Variants in AGPAT5 observed in about 807,000 individuals in gnomAD.
AGPAT5 encodes 1-acylglycerol-3-phosphate O-acyltransferase 5.
A neutral mutation model predicts 45.6 loss-of-function variants in AGPAT5; 46 were observed. The ratio of observed to expected loss-of-function variants is 1.01; its 90% confidence interval spans 0.80 to 1.29. The LOEUF is 1.29. Among genes scored for constraint, AGPAT5 ranks in the 50% most tolerant of loss-of-function variants. The pLI is 0.00. For missense variants in AGPAT5, 673 were observed against 450.7 expected, an observed-to-expected ratio of 1.49 and a Z score of -4.47; for synonymous variants, 272 against 167.0, an observed-to-expected ratio of 1.63 and a Z score of -4.85.
At chr8:6,746,535 G>C (rs1034085364) in intron 5 of AGPAT5, among the ~76,000 whole-genome samples, 3 of 152,216 alleles carry the variant, frequency 2.0e-5, no homozygotes, top group African/African-American at 7.2e-5. Flanking sequence ...AAAGAAGGAA[G>C]TGTTAACTAG....
At chr8:6,733,236 G>C (rs1011986363) in intron 4 of AGPAT5, among the ~76,000 whole-genome samples, 1 of 152,160 alleles carries the variant, frequency 6.6e-6, no homozygotes, top group African/African-American at 2.4e-5. Flanking sequence ...CATGATCACC[G>C]GGGCGACTTG....
intron 7 of AGPAT5, 33 bp from the exon 8 acceptor site, chr8:6,757,130 C>T: frequency 6.4e-7 from 1 of 1,559,148 alleles, no homozygotes; most frequent in Non-Finnish European, 8.8e-7. Flanking sequence ...ACTGAAGTGA[C>T]TAAAATCTAA....
At chr8:6,731,971 A>C (rs1233691663) in intron 3 of AGPAT5, among the ~76,000 whole-genome samples, 1 of 152,196 alleles carries the variant, frequency 6.6e-6, no homozygotes, top group African/African-American at 2.4e-5. Context: ...TGGATGACTA[A>C]TCCTTCTACA....
intron 6 of AGPAT5, among the ~76,000 whole-genome samples, chr8:6,754,475 T>C (rs1024736053): frequency 1.3e-5 from 2 of 152,168 alleles, no homozygotes; most frequent in African/African-American, 4.8e-5. Context: ...TGTGTAGCAG[T>C]CAGTGACGAG....
chr8:6,727,027 G>T (rs931015954), intron 2 of AGPAT5, among the ~76,000 whole-genome samples: 4 of 152,134 alleles, frequency 2.6e-5, no homozygotes, highest in Admixed American at 6.5e-5. Flanking sequence ...CATAGACGTG[G>T]TTCATTGTCT....
chr8:6,739,015 C>A (rs1448803782), intron 4 of AGPAT5, among the ~76,000 whole-genome samples: 3 of 151,854 alleles, frequency 2.0e-5, no homozygotes, highest in African/African-American at 7.3e-5. Context: ...GATCGAAGTT[C>A]ATATTTTTTT....
At chr8:6,753,718 C>T (rs1375365203) in intron 6 of AGPAT5, among the ~76,000 whole-genome samples, 1 of 152,064 alleles carries the variant, frequency 6.6e-6, no homozygotes, top group South Asian at 2.1e-4. Context: ...TTAAGCAGTT[C>T]TTTGATTATT....
At position 6,708,694 on chromosome 8, in the gene AGPAT5, C is replaced by T. The variant is rs769003705; in HGVS notation, c.26C>T (p.Thr9Met). 36 of 1,603,432 alleles carry T rather than the reference C, an allele frequency of 2.2e-5. No homozygotes were observed. In the South Asian group the frequency reaches 3.9e-4, roughly 17 times the overall value. ...ATGCTGCTGTCCCTGGTGCTCCACA[C>T]GTACTCCATGCGCTACCTGCTGCCC... MLLSLVLHTYSMRYLLPSV... is the reference protein window; with the variant it reads MLLSLVLHMYSMRYLLPSV... Residue 9 changes from threonine to methionine, a missense_variant, in exon 1 of 8, where the codon ACG becomes ATG. Coordinates refer to ENST00000285518, the MANE Select transcript of AGPAT5 (RefSeq NM_018361.5).
At chr8:6,752,968 G>T (rs960339724) in intron 6 of AGPAT5, among the ~76,000 whole-genome samples, 5 of 152,076 alleles carry the variant, frequency 3.3e-5, no homozygotes, top group Non-Finnish European at 1.5e-5. Flanking sequence ...GGCTGTTATA[G>T]CCCCACCATG....
chr8:6,734,524 C>G (rs914456652), intron 4 of AGPAT5, among the ~76,000 whole-genome samples: 1 of 152,100 alleles, frequency 6.6e-6, no homozygotes, highest in African/African-American at 2.4e-5. Flanking sequence ...CCAGTTGAAC[C>G]TTTATCATTT....
chr8:6,751,795 A>C (rs1319159853), intron 6 of AGPAT5, among the ~76,000 whole-genome samples: 2 of 152,160 alleles, frequency 1.3e-5, no homozygotes, highest in African/African-American at 4.8e-5. Flanking sequence ...ATTCTATTTG[A>C]GTATTGTGTA....
Position 6,759,385 on chromosome 8 carries a change from T to A in AGPAT5, c.*1997T>A, listed in dbSNP as rs1056022606. On this transcript the variant is annotated 3_prime_UTR_variant, in exon 8 of 8. Transcript: ENST00000285518. Reference sequence around the variant, plus strand: ...ACAAAAGGTCTATAAAATACAGTCGTTGAAAAAAATTTTGTATCAAAATGT... The same window carrying A: ...ACAAAAGGTCTATAAAATACAGTCGATGAAAAAAATTTTGTATCAAAATGT... 2.0e-5 allele frequency: 3 copies of A among 152,236 alleles called. No homozygotes were observed. The highest frequency in any genetic ancestry group is 7.2e-5 in the African/African-American group (3 of 41,470). 9.4% of individuals were successfully genotyped at this position (152,236 alleles called of 1,614,324 possible).
rs6995442 is a variant in AGPAT5 at position 6,760,271 on chromosome 8, G to A, written c.*2883G>A. On this transcript the variant is annotated 3_prime_UTR_variant, in exon 8 of 8. Transcript: ENST00000285518. ...AGCCAGGCATGGTGGCGTACACTGA[G>A]TAGTTTGTCCCAGCTACTCGGGAGG... Among the ~76,000 whole-genome samples, 1,748 of 152,176 alleles carry A rather than the reference G, an allele frequency of 0.011. 29 individuals are homozygous for A. The highest frequency in any genetic ancestry group is 0.04 in the African/African-American group (1,673 of 41,514).
chr8:6,715,882 T>G (rs1800312039), intron 1 of AGPAT5, among the ~76,000 whole-genome samples: 2 of 152,208 alleles, frequency 1.3e-5, no homozygotes, highest in Non-Finnish European at 2.9e-5. Context: ...CATGGAATGT[T>G]TAGGGAAAAG....
intron 5 of AGPAT5, among the ~76,000 whole-genome samples, chr8:6,747,175 G>A (rs1801501790): frequency 6.6e-6 from 1 of 152,176 alleles, no homozygotes; most frequent in Admixed American, 6.5e-5. Context: ...TTCACACAGT[G>A]GAATACTAAC....
intron 3 of AGPAT5, 97 bp from the exon 4 acceptor site, chr8:6,732,464 A>G: frequency 1.2e-6 from 1 of 803,020 alleles, no homozygotes; most frequent in Non-Finnish European, 1.9e-6. Context: ...TGTAGTTTTC[A>G]TTCTGTACTT....
At position 6,741,206 on chromosome 8, in the gene AGPAT5, A is replaced by G. The variant is rs1303310791; in HGVS notation, c.496-455A>G. On this transcript the variant is annotated intron_variant, in intron 4 of 7. Transcript: ENST00000285518. ...AATGTGAACATTTAGAACGTTTCAC[A>G]TGGTGGGAATTTACTATATGATTTT... Among the ~76,000 whole-genome samples the G allele has an allele frequency of 3.3e-5, 5 of 152,136 alleles. No homozygotes were observed. The East Asian group carries it at 5.8e-4, about 18-fold the overall frequency.
intron 7 of AGPAT5, among the ~76,000 whole-genome samples, chr8:6,756,145 G>A (rs1801824784): frequency 6.6e-6 from 1 of 152,144 alleles, no homozygotes; most frequent in African/African-American, 2.4e-5. Context: ...GGTATGTTCT[G>A]CTATCATAAC....
chr8:6,749,903 C>T lies in AGPAT5; in HGVS notation c.745+2075C>T, dbSNP rs377300604. Among the ~76,000 whole-genome samples, 6 of 152,206 alleles carry T rather than the reference C, an allele frequency of 3.9e-5. No individual in the cohort carries two copies. The East Asian group carries it at 1.2e-3, about 29-fold the overall frequency. On this transcript the variant is annotated intron_variant, in intron 6 of 7. Coordinates refer to ENST00000285518, the MANE Select transcript of AGPAT5 (RefSeq NM_018361.5). Reference sequence around the variant, plus strand: ...AAGGCCAGCCTCTGTTGCCTGCCATCGGAGGAATGCGTTCCAGCCGTGATC... The same window carrying T: ...AAGGCCAGCCTCTGTTGCCTGCCATTGGAGGAATGCGTTCCAGCCGTGATC...
Sources: allele counts gnomAD v4.1 joint callset (sites outside exome capture counted in the v4.1 genomes callset), GRCh38; gene constraint gnomAD v4.1.1; transcripts MANE v1.5; gene names NCBI Gene and HGNC (gene_info 2026-07-23, HGNC 2026-07-21).